The following TINAG variants were observed in gnomAD, a reference collection of about 807,000 sequenced individuals.
TINAG encodes the protein tubulointerstitial nephritis antigen.
A neutral mutation model predicts 72.7 loss-of-function variants in TINAG; 83 were observed. The observed-to-expected ratio is 1.14, with a 90% CI of 0.96 to 1.37. The LOEUF (loss-of-function observed/expected upper bound fraction) is 1.37. Among genes scored for constraint, TINAG ranks in the 40% most tolerant of loss-of-function variants. The probability of loss-of-function intolerance (pLI) is 0.00; values close to 1 mark genes in which losing one functional copy is unlikely to be tolerated. For synonymous variants in TINAG, 234 were observed against 189.9 expected (o/e 1.23, Z -1.91); for missense variants, 685 against 576.6 (o/e 1.19, Z -1.93).
intron 4 of TINAG, among the ~76,000 whole-genome samples, chr6:54,332,293 G>A (rs903060406): frequency 6.6e-6 from 1 of 152,104 alleles, no homozygotes; most frequent in Non-Finnish European, 1.5e-5. Flanking sequence ...GAACAGAACA[G>A]AGGCCTCCGA....
intron 9 of TINAG, among the ~76,000 whole-genome samples, chr6:54,361,047 T>C (rs1355182886): frequency 6.6e-6 from 1 of 151,108 alleles, no homozygotes; most frequent in Non-Finnish European, 1.5e-5. Flanking sequence ...TTTGGTGTTA[T>C]TATAGTAATT....
At position 54,308,889 on chromosome 6, in the gene TINAG, G is replaced by A; in HGVS notation, c.339G>A (p.Gln113=). 6.2e-7 allele frequency: 1 copy of A among 1,609,320 alleles called. No homozygotes were observed. Among genetic ancestry groups the A allele is most frequent in the Non-Finnish European group, 8.5e-7 (1 of 1,177,630 alleles). The change falls in exon 1 of 11, where the codon CAG becomes CAA. Residue 113 remains glutamine, a synonymous_variant. Coordinates refer to ENST00000259782, the MANE Select transcript of TINAG (RefSeq NM_014464.4). ...AGAAAGAATGGCCTCCTCACACACA[G>A]CCTTGGTATCCAGAAGGTAGGCTTT... ...REEKEWPPHT[Q]PWYPEGCFKD...
At chr6:54,352,457 C>A (rs1785289207) in intron 8 of TINAG, among the ~76,000 whole-genome samples, 2 of 151,668 alleles carry the variant, frequency 1.3e-5, no homozygotes, top group African/African-American at 4.8e-5. Flanking sequence ...TTACCCAAAA[C>A]CTGAAACAAA....
At chr6:54,372,077 C>T (rs754941561) in intron 9 of TINAG, among the ~76,000 whole-genome samples, 29 of 147,728 alleles carry the variant, frequency 2.0e-4, no homozygotes, top group Admixed American at 3.4e-4. Context: ...CTGCAACCTC[C>T]GCCTCCTGGG....
At position 54,334,511 on chromosome 6, in the gene TINAG, T is replaced by C. The variant is rs557352839; in HGVS notation, c.624+7595T>C. Among the ~76,000 whole-genome samples, 256 of 152,282 alleles carry C rather than the reference T, an allele frequency of 1.7e-3. 1 individual carries two copies. Among genetic ancestry groups the C allele is most frequent in the African/African-American group, 5.4e-3 (223 of 41,568 alleles). The stretch of plus-strand genomic sequence containing the variant: ...ATGAAGTAGTTGTGTATTAAAGCAC[T>C]TACAGTTTCGTACATGATCTCATTT... On this transcript the variant is annotated intron_variant, in intron 4 of 10. Coordinates refer to ENST00000259782, the MANE Select transcript of TINAG (RefSeq NM_014464.4).
chr6:54,360,839 G>GTTTTTTTTTTTTTTTTTTTT (rs773926586), intron 9 of TINAG, among the ~76,000 whole-genome samples: 6 of 16,922 alleles, frequency 3.5e-4, no homozygotes, highest in East Asian at 4.6e-3. Flanking sequence ...CACAGATACT[G>GTTTTTTTTTTTTTTTTTTTT]TGTTTTTTTT....
intron 4 of TINAG, among the ~76,000 whole-genome samples, chr6:54,333,558 TA>T (rs1429400979): frequency 6.6e-6 from 1 of 152,006 alleles, no homozygotes; most frequent in Non-Finnish European, 1.5e-5. Flanking sequence ...ATGGCACATG[TA>T]TACCTTTGTA....
intron 9 of TINAG, among the ~76,000 whole-genome samples, chr6:54,357,787 C>T (rs1763099665): frequency 6.6e-6 from 1 of 151,892 alleles, no homozygotes; most frequent in Admixed American, 6.6e-5. Context: ...AATTTTACTG[C>T]ATTGATCTTC....
Position 54,349,907 on chromosome 6 carries a change from A to G in TINAG, c.1080+11A>G. On this transcript the variant is annotated intron_variant, in intron 7 of 10. Transcript: ENST00000259782. ...AGAGTCTCTTCCAACGTAAGTATAAATGGCAAGAATCAAGAATAGTTGGCT... is the reference window on the plus strand; with the variant it reads ...AGAGTCTCTTCCAACGTAAGTATAAGTGGCAAGAATCAAGAATAGTTGGCT... 1 of 1,520,626 alleles carries G rather than the reference A, an allele frequency of 6.6e-7. No homozygotes were observed. The highest frequency in any genetic ancestry group is 8.9e-7 in the Non-Finnish European group (1 of 1,124,252). 94.2% of individuals were successfully genotyped at this position (1,520,626 alleles called of 1,614,324 possible). A position where few individuals can be genotyped will look rare whatever the true frequency, so the allele number is the denominator to read the frequency against.
At chr6:54,372,087 G>A (rs1220689904) in intron 9 of TINAG, among the ~76,000 whole-genome samples, 1 of 147,948 alleles carries the variant, frequency 6.8e-6, no homozygotes, top group Non-Finnish European at 1.5e-5. Context: ...CGCCTCCTGG[G>A]TTCAAGTTAT....
chr6:54,389,167 C>G (rs558184800), intron 10 of TINAG, among the ~76,000 whole-genome samples: 2 of 152,216 alleles, frequency 1.3e-5, no homozygotes, highest in Admixed American at 1.3e-4. Flanking sequence ...CTGCTTCATA[C>G]TATTTCATGC....
chr6:54,327,852 A>G (rs1582705890), intron 4 of TINAG, among the ~76,000 whole-genome samples: 1 of 152,232 alleles, frequency 6.6e-6, no homozygotes, highest in East Asian at 1.9e-4. Flanking sequence ...AGCCACCTGG[A>G]AGTTCAGACT....
At chr6:54,352,395 A>G (rs1785287465) in intron 8 of TINAG, among the ~76,000 whole-genome samples, 1 of 151,888 alleles carries the variant, frequency 6.6e-6, no homozygotes, top group Non-Finnish European at 1.5e-5. Flanking sequence ...CACAGCCTAC[A>G]TAAACATGTC....
At position 54,375,918 on chromosome 6, in the gene TINAG, C is replaced by T. The variant is rs115065319; in HGVS notation, c.1251-4608C>T. Among the ~76,000 whole-genome samples the T allele has an allele frequency of 4.1e-4, 63 of 152,216 alleles. 1 individual carries two copies. Among genetic ancestry groups the T allele is most frequent in the Middle Eastern group, 3.4e-3 (1 of 294 alleles). ...TCCATATTCAAATGGCTCTTTATCA[C>T]CAACTTTGTAAATGCCACGTCTGGT... On this transcript the variant is annotated intron_variant, in intron 9 of 10. Coordinates refer to ENST00000259782, the MANE Select transcript of TINAG (RefSeq NM_014464.4).
chr6:54,357,823 T>C (rs1049622489), intron 9 of TINAG, among the ~76,000 whole-genome samples: 3 of 151,948 alleles, frequency 2.0e-5, no homozygotes, highest in African/African-American at 7.2e-5. Flanking sequence ...AGTCTCAACA[T>C]AGAAAACAGG....
chr6:54,350,755 A>G (rs912473381), intron 7 of TINAG, among the ~76,000 whole-genome samples: 4 of 150,918 alleles, frequency 2.7e-5, no homozygotes, highest in African/African-American at 9.8e-5. Flanking sequence ...TTTTGTTTGC[A>G]AACGTAACAC....
At chr6:54,373,381 A>G (rs868632400) in intron 9 of TINAG, among the ~76,000 whole-genome samples, 1 of 152,114 alleles carries the variant, frequency 6.6e-6, no homozygotes, top group South Asian at 2.1e-4. Flanking sequence ...CATCTTCTAC[A>G]GATTATCGAA....
At chr6:54,342,954 C>T (rs1275887691) in intron 4 of TINAG, among the ~76,000 whole-genome samples, 4 of 152,096 alleles carry the variant, frequency 2.6e-5, no homozygotes, top group East Asian at 1.9e-4. Flanking sequence ...GTGATAGAAA[C>T]ATTGGCTGAT....
intron 1 of TINAG, among the ~76,000 whole-genome samples, chr6:54,310,451 GTC>G (rs1169903375): frequency 6.9e-6 from 1 of 144,442 alleles, no homozygotes; most frequent in Non-Finnish European, 1.5e-5. Context: ...CTCTCTTTCT[GTC>G]TCTCTCTCCC....
Sources: gnomAD v4.1 joint callset for allele counts (sites outside exome capture counted in the v4.1 genomes callset) on GRCh38, gnomAD v4.1.1 for gene constraint, MANE v1.5 for transcripts, NCBI Gene and HGNC (gene_info 2026-07-23, HGNC 2026-07-21) for gene names.